Variants in KIF26B observed in about 807,000 individuals in gnomAD.
The protein encoded by KIF26B is kinesin-like protein KIF26B.
KIF26B carries 63 observed loss-of-function variants against 151.2 expected under a neutral mutation model. The ratio of observed to expected loss-of-function variants is 0.42; its 90% CI spans 0.34 to 0.51. KIF26B has a LOEUF of 0.51. KIF26B is among the 20% of genes least tolerant of loss of function. KIF26B has a pLI of 0.07. For synonymous variants in KIF26B, 1,357 were observed against 1,262.1 expected (o/e 1.08, Z -1.59); for missense variants, 2,813 against 2,913.6 (o/e 0.97, Z 0.79).
At chr1:245,213,692 T>C (rs1669588575) in intron 2 of KIF26B, among the ~76,000 whole-genome samples, 1 of 152,058 alleles carries the variant, frequency 6.6e-6, no homozygotes, top group Non-Finnish European at 1.5e-5. Context: ...TCAGAAGGCG[T>C]TGTGCGTGGT....
intron 5 of KIF26B, among the ~76,000 whole-genome samples, chr1:245,549,767 G>A (rs1053310157): frequency 6.6e-6 from 1 of 150,630 alleles, no homozygotes; most frequent in African/African-American, 2.4e-5. Context: ...TATGGAGGGG[G>A]AGAATAATTC....
chr1:245,279,361 G>A (rs1670997457), intron 2 of KIF26B, among the ~76,000 whole-genome samples: 1 of 147,498 alleles, frequency 6.8e-6, no homozygotes, highest in Admixed American at 6.8e-5. Context: ...AGGCTGGAGT[G>A]CAGTGGTGCA....
intron 2 of KIF26B, among the ~76,000 whole-genome samples, chr1:245,205,622 CTTCCATGATG>C: frequency 1.3e-5 from 2 of 152,288 alleles, no homozygotes; most frequent in Admixed American, 1.3e-4. Flanking sequence ...TGTAAAACTA[CTTCCATGATG>C]TTCCTGCCAC....
At position 245,560,570 on chromosome 1, in the gene KIF26B, G is replaced by A. The variant is rs1409140755; in HGVS notation, c.1350+19620G>A. Among the ~76,000 whole-genome samples the A allele has an allele frequency of 6.6e-6, 1 of 152,130 alleles. No homozygotes were observed. Among genetic ancestry groups the A allele is most frequent in the East Asian group, 1.9e-4 (1 of 5,194 alleles). On this transcript the variant is annotated intron_variant, in intron 5 of 14. Transcript: ENST00000407071. The surrounding 1 kb of genome is among the most constrained non-coding windows in gnomAD (Gnocchi z 4.3). ...AGCAAAGCGGGAACTTGGCTTTTGT[G>A]TTGCCTTCACAGAGTGTGGAGGTTG...
At chr1:245,326,154 C>T (rs886597546) in intron 2 of KIF26B, among the ~76,000 whole-genome samples, 3 of 152,248 alleles carry the variant, frequency 2.0e-5, no homozygotes, top group Non-Finnish European at 2.9e-5. Flanking sequence ...TTCTTCACAG[C>T]GCACACTGAG....
intron 2 of KIF26B, among the ~76,000 whole-genome samples, chr1:245,289,656 TG>T (rs1344045634): frequency 2.0e-5 from 3 of 150,298 alleles, no homozygotes; most frequent in African/African-American, 4.9e-5. Context: ...TTTCCTTTTT[TG>T]GGGGTGGAGG....
chr1:245,423,385 G>A (rs148870605), intron 4 of KIF26B, among the ~76,000 whole-genome samples: 22 of 152,178 alleles, frequency 1.4e-4, no homozygotes, highest in East Asian at 9.7e-4. Flanking sequence ...CGGGAGTGGC[G>A]GAGTGGGAAA....
intron 9 of KIF26B, among the ~76,000 whole-genome samples, chr1:245,642,425 T>G (rs966887981): frequency 2.6e-5 from 4 of 151,494 alleles, no homozygotes; most frequent in African/African-American, 9.7e-5. Context: ...AGATGGAGGG[T>G]GGCCGGGTGC....
intron 3 of KIF26B, among the ~76,000 whole-genome samples, chr1:245,378,326 G>C (rs1034558865): frequency 6.6e-6 from 1 of 152,056 alleles, no homozygotes; most frequent in African/African-American, 2.4e-5. Context: ...GTGGGTGAGA[G>C]GGGTTAGGTG....
At chr1:245,190,629 GTTTTGTTTTGTTTTT>G in intron 2 of KIF26B, among the ~76,000 whole-genome samples, 1 of 80,106 alleles carries the variant, frequency 1.2e-5, no homozygotes, top group African/African-American at 4.2e-5. Context: ...TTCCCTGAAT[GTTTTGTTTTGTTTTT>G]TTTTTTTTTT....
chr1:245,235,176 G>A (rs1670081929), intron 2 of KIF26B, among the ~76,000 whole-genome samples: 1 of 152,162 alleles, frequency 6.6e-6, no homozygotes. Flanking sequence ...GTATAAACTA[G>A]GTCATTACTC....
At chr1:245,663,663 G>A (rs2044181879) in intron 10 of KIF26B, among the ~76,000 whole-genome samples, 1 of 152,158 alleles carries the variant, frequency 6.6e-6, no homozygotes, top group African/African-American at 2.4e-5. Flanking sequence ...TGCCAGTTGA[G>A]GATAGTCTAA....
chr1:245,598,565 A>G (rs2043358421), intron 5 of KIF26B, among the ~76,000 whole-genome samples: 1 of 152,072 alleles, frequency 6.6e-6, no homozygotes. Context: ...ACGGTGAGAG[A>G]TGACGGGGCT....
At chr1:245,303,068 G>A (rs1671460004) in intron 2 of KIF26B, among the ~76,000 whole-genome samples, 1 of 151,082 alleles carries the variant, frequency 6.6e-6, no homozygotes, top group Admixed American at 6.6e-5. Flanking sequence ...GAATACACCG[G>A]GAAATCTGGG....
intron 10 of KIF26B, among the ~76,000 whole-genome samples, chr1:245,666,677 G>A (rs1030989988): frequency 6.6e-6 from 1 of 152,114 alleles, no homozygotes; most frequent in Non-Finnish European, 1.5e-5. Context: ...CAGAGATGAC[G>A]CTTGTGGCCC....
intron 5 of KIF26B, among the ~76,000 whole-genome samples, chr1:245,558,673 C>G (rs886403610): frequency 6.6e-6 from 1 of 152,234 alleles, no homozygotes; most frequent in African/African-American, 2.4e-5. Flanking sequence ...GTTGCGGGGA[C>G]AGGGCATCCT....
chr1:245,320,162 G>C (rs1010856951), intron 2 of KIF26B, among the ~76,000 whole-genome samples: 4 of 152,304 alleles, frequency 2.6e-5, no homozygotes, highest in Admixed American at 2.6e-4. Context: ...CCTCCACACA[G>C]TTCACACAGT....
chr1:245,679,924 C>T (rs10458424), intron 10 of KIF26B, among the ~76,000 whole-genome samples: 2 of 152,028 alleles, frequency 1.3e-5, no homozygotes, highest in Non-Finnish European at 2.9e-5. Context: ...CCAACCTGTC[C>T]TCCATAGCCA....
At chr1:245,370,525 G>A in intron 3 of KIF26B, 1 of 446,788 alleles carries the variant, frequency 2.2e-6, no homozygotes, top group Non-Finnish European at 4.6e-6. Flanking sequence ...TGCCTGGCTT[G>A]TGTGAGCCAC....
Sources: allele counts gnomAD v4.1 joint callset (sites outside exome capture counted in the v4.1 genomes callset), GRCh38; gene constraint gnomAD v4.1.1; non-coding constraint Gnocchi (gnomAD v3.1); transcripts MANE v1.5; gene names NCBI Gene and HGNC (gene_info 2026-07-23, HGNC 2026-07-21).